The following PLCL1 variants were observed in gnomAD, a reference collection of about 807,000 sequenced individuals.
PLCL1 encodes phospholipase C like 1 (inactive), also known as inactive phospholipase C-like protein 1.
Under a neutral mutation model 84.4 loss-of-function variants are expected in PLCL1, and 41 were observed. The observed-to-expected ratio is 0.49, with a 90% CI of 0.38 to 0.63. PLCL1 has a LOEUF of 0.63. Ranked by LOEUF, PLCL1 falls within the 30% of genes least tolerant of loss-of-function variation. The pLI is 0.00. For missense variants in PLCL1, 1,206 were observed against 1,367.8 expected (o/e 0.88, Z 1.87); for synonymous variants, 490 against 488.3 (o/e 1.00, Z -0.05).
chr2:197,927,266 G>T (rs1205485349), intron 1 of PLCL1, among the ~76,000 whole-genome samples: 2 of 152,190 alleles, frequency 1.3e-5, no homozygotes, highest in South Asian at 2.1e-4. Flanking sequence ...TAATCAGAGG[G>T]ATTGAAAGAG....
chr2:197,839,379 T>C (rs1022822403), intron 1 of PLCL1, among the ~76,000 whole-genome samples: 1 of 152,220 alleles, frequency 6.6e-6, no homozygotes, highest in Non-Finnish European at 1.5e-5. Flanking sequence ...TGTTTCAGGA[T>C]GAAATTTCCA....
intron 1 of PLCL1, among the ~76,000 whole-genome samples, chr2:197,931,014 A>C (rs915112196): frequency 6.6e-5 from 10 of 152,162 alleles, no homozygotes; most frequent in African/African-American, 2.4e-4. Context: ...GTCATGAGGG[A>C]GGGGTCAGTT....
chr2:197,867,010 T>C lies in PLCL1; in HGVS notation c.240+61671T>C, dbSNP rs1353007111. The stretch of plus-strand genomic sequence containing the variant: ...GACGCACACTAATGGATTGAAAGAG[T>C]TATCTAGCATGACCCGAGATGCATT... On this transcript the variant is annotated intron_variant, in intron 1 of 5. Transcript: ENST00000428675. Among the ~76,000 whole-genome samples, 5 of 151,818 alleles carry C rather than the reference T, an allele frequency of 3.3e-5. No homozygotes were observed. In the East Asian group the frequency reaches 7.7e-4, roughly 23 times the overall value.
intron 1 of PLCL1, among the ~76,000 whole-genome samples, chr2:197,950,775 G>A (rs1219592935): frequency 6.6e-6 from 1 of 152,232 alleles, no homozygotes; most frequent in East Asian, 1.9e-4. Flanking sequence ...TTGTAAGATA[G>A]GAATGTGGTT....
intron 1 of PLCL1, among the ~76,000 whole-genome samples, chr2:197,976,184 A>G (rs1689976988): frequency 6.6e-6 from 1 of 152,184 alleles, no homozygotes; most frequent in Admixed American, 6.5e-5. Context: ...TCCCACCAGC[A>G]CATCCAGTCT....
intron 1 of PLCL1, among the ~76,000 whole-genome samples, chr2:197,934,466 T>A (rs993158188): frequency 6.6e-6 from 1 of 152,210 alleles, no homozygotes; most frequent in Non-Finnish European, 1.5e-5. Context: ...ACGCCTTTCT[T>A]GTAACCATAG....
chr2:198,006,099 C>G (rs1053939956), intron 1 of PLCL1, among the ~76,000 whole-genome samples: 1 of 152,116 alleles, frequency 6.6e-6, no homozygotes, highest in Non-Finnish European at 1.5e-5. Context: ...GGACAGTTCA[C>G]CAGTTTCTTC....
chr2:198,126,828 T>G (rs1393503113), intron 5 of PLCL1, among the ~76,000 whole-genome samples: 1 of 151,966 alleles, frequency 6.6e-6, no homozygotes, highest in East Asian at 1.9e-4. Flanking sequence ...GCTTGAGTCT[T>G]GGAGGGTGAG....
At chr2:198,044,101 A>G (rs73061069) in intron 1 of PLCL1, among the ~76,000 whole-genome samples, 30,947 of 152,006 alleles carry the variant, frequency 0.2, 3,241 homozygotes, top group East Asian at 0.26. Context: ...ATTTACTTAT[A>G]AATAAAATTG....
chr2:197,966,568 T>A (rs1689741477), intron 1 of PLCL1, among the ~76,000 whole-genome samples: 1 of 152,158 alleles, frequency 6.6e-6, no homozygotes. Context: ...GTGCTCTCCC[T>A]TCCCCAGGCA....
chr2:197,881,043 T>C (rs1016437017), intron 1 of PLCL1, among the ~76,000 whole-genome samples: 1 of 152,160 alleles, frequency 6.6e-6, no homozygotes, highest in African/African-American at 2.4e-5. Context: ...GTGGTTCTCC[T>C]TCAGAATTGT....
chr2:197,903,468 A>T (rs1404213462), intron 1 of PLCL1, among the ~76,000 whole-genome samples: 29 of 47,792 alleles, frequency 6.1e-4, no homozygotes, highest in African/African-American at 2.1e-3. Flanking sequence ...CTCCATTTAA[A>T]TTTTTTTTTT....
At position 198,085,077 on chromosome 2, in the gene PLCL1, T is replaced by G; in HGVS notation, c.1560T>G (p.Pro520=). ...GCAATAAACTCTATACTGAAGCACCTTTGCCCTCAGAATCCTACCTCCCAT... is the reference window on the plus strand; with the variant it reads ...GCAATAAACTCTATACTGAAGCACCGTTGCCCTCAGAATCCTACCTCCCAT... ...VFGNKLYTEA[P]LPSESYLPSP... The change falls in exon 2 of 6, where the codon CCT becomes CCG. Residue 520 remains proline (P), a synonymous_variant. Transcript: ENST00000428675. This position sits in a 1 kb window ranked among gnomAD's most constrained non-coding sequence, Gnocchi z 5.3. 1 of 1,614,024 alleles carries G rather than the reference T, an allele frequency of 6.2e-7. No homozygotes were observed. The highest frequency in any genetic ancestry group is 8.5e-7 in the Non-Finnish European group (1 of 1,179,942).
At chr2:198,057,522 G>A (rs995131116) in intron 1 of PLCL1, among the ~76,000 whole-genome samples, 2 of 152,170 alleles carry the variant, frequency 1.3e-5, no homozygotes, top group Admixed American at 1.3e-4. Context: ...TAGAAAAGCA[G>A]TAATAAAAGG....
intron 5 of PLCL1, among the ~76,000 whole-genome samples, chr2:198,128,067 T>G (rs1283183484): frequency 6.6e-6 from 1 of 152,134 alleles, no homozygotes; most frequent in East Asian, 1.9e-4. Flanking sequence ...AGTAGAGGCT[T>G]TTAGTCATTC....
chr2:198,091,645 A>G (rs1267407814), intron 3 of PLCL1, among the ~76,000 whole-genome samples: 1 of 151,738 alleles, frequency 6.6e-6, no homozygotes, highest in Non-Finnish European at 1.5e-5. Flanking sequence ...GCGCCATCGC[A>G]CTCCAGCCTG....
intron 1 of PLCL1, among the ~76,000 whole-genome samples, chr2:197,936,993 T>G (rs755223985): frequency 4.6e-4 from 70 of 152,190 alleles, no homozygotes; most frequent in Non-Finnish European, 9.3e-4. Context: ...TTCTTTCTTC[T>G]GCATATGGAT....
rs1690446610 is a variant in PLCL1 at position 197,805,234 on chromosome 2, T to C, written c.135T>C (p.Arg45=). ...CCTCTGGGGGCCGGATGAGGGACCG[T>C]CGCAGCGGGGTCGCACTGCCAGGCG... ...TAASGGRMRD[R]RSGVALPGAA... is the part of the protein sequence containing the mutation. Residue 45 remains arginine (R), a synonymous_variant, in exon 1 of 6, where the codon CGT becomes CGC. Coordinates refer to ENST00000428675, the MANE Select transcript of PLCL1 (RefSeq NM_006226.4). The surrounding 1 kb of genome is among the most constrained non-coding windows in gnomAD (Gnocchi z 4.0). 7.9e-7 allele frequency: 1 copy of C among 1,269,912 alleles called. No individual in the cohort carries two copies. 78.7% of individuals were successfully genotyped at this position (1,269,912 alleles called of 1,614,324 possible).
At position 198,101,265 on chromosome 2, in the gene PLCL1, T is replaced by G. The variant is rs769634290; in HGVS notation, c.2920-20T>G. The G allele has an allele frequency of 6.7e-7, 1 of 1,491,064 alleles. No homozygotes were observed. The highest frequency in any genetic ancestry group is 2.3e-5 in the East Asian group (1 of 44,234). 92.4% of individuals were successfully genotyped at this position (1,491,064 alleles called of 1,614,324 possible). A position where few individuals can be genotyped will look rare whatever the true frequency, so the allele number is the denominator to read the frequency against. ...TCAAGGATTCTGACAACCACCTTTT[T>G]GATGTTTATTTTGTAACAGATGATT... is the stretch of plus-strand genomic sequence containing the variant. On this transcript the variant is annotated intron_variant, in intron 3 of 5. Coordinates refer to ENST00000428675, the MANE Select transcript of PLCL1 (RefSeq NM_006226.4).
Sources: allele counts gnomAD v4.1 joint callset (sites outside exome capture counted in the v4.1 genomes callset), GRCh38; gene constraint gnomAD v4.1.1; non-coding constraint Gnocchi (gnomAD v3.1); transcripts MANE v1.5; gene names NCBI Gene and HGNC (gene_info 2026-07-23, HGNC 2026-07-21).